PCDH11X: variants seen among roughly 807,000 people sequenced by gnomAD.
PCDH11X encodes protocadherin 11 X-linked, also known as protocadherin-11 X-linked.
A neutral mutation model predicts 53.3 loss-of-function variants in PCDH11X; 18 were observed. That is an observed-to-expected ratio of 0.34 (90% CI 0.23 to 0.50). The LOEUF is 0.50. Ranked by LOEUF, PCDH11X falls within the 20% of genes least tolerant of loss-of-function variation. The pLI is 0.98. For missense variants in PCDH11X, 570 were observed against 1,032.4 expected, an observed-to-expected ratio of 0.55 and a Z score of 6.14; for synonymous variants, 279 against 393.3, an observed-to-expected ratio of 0.71 and a Z score of 3.44.
chrX:92,316,196 G>T (rs2069072686), intron 8 of PCDH11X, among the ~76,000 whole-genome samples: 1 of 106,485 alleles, frequency 9.4e-6, no homozygotes, highest in African/African-American at 3.4e-5. Context: ...TAGTGTAGGA[G>T]AAAGGCAAAT....
chrX:92,545,120 C>T (rs933433917), intron 10 of PCDH11X, among the ~76,000 whole-genome samples: 5 of 111,287 alleles, frequency 4.5e-5, no homozygotes, highest in African/African-American at 1.6e-4. Flanking sequence ...GCCATTATAG[C>T]TTTTGGTACA....
intron 6 of PCDH11X, among the ~76,000 whole-genome samples, chrX:92,147,990 T>C (rs1182163082): frequency 1.2e-4 from 10 of 86,913 alleles, no homozygotes; most frequent in African/African-American, 5.5e-4. Flanking sequence ...CCTTCCTTTC[T>C]TTCTTTCTTT....
At chrX:92,255,382 T>G (rs1331565765) in intron 7 of PCDH11X, among the ~76,000 whole-genome samples, 3 of 100,478 alleles carry the variant, frequency 3.0e-5, no homozygotes, top group African/African-American at 1.1e-4. Flanking sequence ...TGCCTTTGGT[T>G]TGAATGTCCT....
intron 8 of PCDH11X, among the ~76,000 whole-genome samples, chrX:92,377,747 T>C (rs2754857): frequency 0.43 from 42,393 of 98,287 alleles, 7,843 homozygotes; most frequent in Non-Finnish European, 0.49. Flanking sequence ...CTAGATCATA[T>C]GTATCATTTA....
intron 6 of PCDH11X, among the ~76,000 whole-genome samples, chrX:92,087,096 A>G (rs1569347095): frequency 9.2e-6 from 1 of 108,742 alleles, no homozygotes; most frequent in East Asian, 2.9e-4. Flanking sequence ...GCTCTTCTTT[A>G]TTTGTTTATT....
intron 8 of PCDH11X, among the ~76,000 whole-genome samples, chrX:92,278,374 C>T (rs958226208): frequency 8.9e-6 from 1 of 111,750 alleles, no homozygotes; most frequent in Admixed American, 9.5e-5. Flanking sequence ...CATGCGTGTC[C>T]GTGTGAAGAG....
chrX:92,160,780 C>T (rs747291609), intron 6 of PCDH11X, among the ~76,000 whole-genome samples: 34 of 109,926 alleles, frequency 3.1e-4, no homozygotes, highest in African/African-American at 1.1e-3. Context: ...TACTAGTTTA[C>T]ATTTCCACCA....
intron 8 of PCDH11X, among the ~76,000 whole-genome samples, chrX:92,277,218 G>A (rs2068117890): frequency 9.1e-6 from 1 of 110,361 alleles, no homozygotes; most frequent in Admixed American, 9.7e-5. Flanking sequence ...GTTGCACTGG[G>A]CACAGAGACT....
At chrX:91,956,570 GAATATTAGCCCCC>G (rs2061713656) in intron 6 of PCDH11X, among the ~76,000 whole-genome samples, 1 of 107,327 alleles carries the variant, frequency 9.3e-6, no homozygotes, top group Admixed American at 1.0e-4. Context: ...CAAGAATGTT[GAATATTAGCCCCC>G]AATCTCTTCT....
chrX:92,259,622 C>A (rs1434794091), intron 7 of PCDH11X, among the ~76,000 whole-genome samples: 1 of 111,709 alleles, frequency 9.0e-6, no homozygotes. Context: ...ATGGGGATTA[C>A]AATTCATCAT....
chrX:91,889,815 A>G (rs1285606143), intron 6 of PCDH11X, among the ~76,000 whole-genome samples: 1 of 109,980 alleles, frequency 9.1e-6, no homozygotes, highest in Non-Finnish European at 1.9e-5. Context: ...ACAGAATGAT[A>G]TTGTAAATAG....
chrX:92,536,180 T>C (rs1375193153), intron 10 of PCDH11X, among the ~76,000 whole-genome samples: 1 of 111,523 alleles, frequency 9.0e-6, no homozygotes, highest in Non-Finnish European at 1.9e-5. Flanking sequence ...CAGTTTGGTC[T>C]GTTCTTCTGT....
chrX:91,878,534 T>C lies in PCDH11X; in HGVS notation c.2294T>C (p.Val765Ala). 2 of 1,211,304 alleles carry C rather than the reference T, an allele frequency of 1.7e-6. No individual in the cohort carries two copies. The highest frequency in any genetic ancestry group is 2.2e-6 in the Non-Finnish European group (2 of 895,381). ...GGACAGCCTGATTCTCTCTTCAGTG[T>C]TGTAATTGTCAATCTGTTCGTGAAT... Reference protein sequence around the residue: ...DLGQPDSLFSVVIVNLFVNES... With the variant: ...DLGQPDSLFSAVIVNLFVNES... The change falls in exon 6 of 11, where the codon GTT becomes GCT. Residue 765 changes from valine (V) to alanine (A), a missense_variant. Coordinates refer to ENST00000682573, the MANE Select transcript of PCDH11X (RefSeq NM_032968.5).
At chrX:92,208,536 T>TATATATAC (rs1408059749) in intron 7 of PCDH11X, among the ~76,000 whole-genome samples, 5 of 80,096 alleles carry the variant, frequency 6.2e-5, no homozygotes, top group African/African-American at 2.5e-4. Flanking sequence ...TATATATATA[T>TATATATAC]ACAATTTTTT....
intron 6 of PCDH11X, among the ~76,000 whole-genome samples, chrX:92,025,203 G>A (rs1166189844): frequency 9.1e-6 from 1 of 109,315 alleles, no homozygotes; most frequent in Admixed American, 9.8e-5. Context: ...CATTGAATGG[G>A]AGAAAATTTC....
intron 6 of PCDH11X, among the ~76,000 whole-genome samples, chrX:91,908,260 G>GCAAAAC (rs773799509): frequency 3.5e-4 from 39 of 111,494 alleles, no homozygotes; most frequent in South Asian, 2.6e-3. Flanking sequence ...TGCAAACCAT[G>GCAAAAC]CATCCAATAA....
At chrX:92,189,234 AG>A (rs1347209875) in intron 6 of PCDH11X, among the ~76,000 whole-genome samples, 1 of 110,491 alleles carries the variant, frequency 9.1e-6, no homozygotes, top group Non-Finnish European at 1.9e-5. Context: ...GACAGGCCCC[AG>A]TGTGTGTTGT....
chrX:92,390,506 G>C (rs987891056), intron 9 of PCDH11X, among the ~76,000 whole-genome samples: 1 of 109,402 alleles, frequency 9.1e-6, no homozygotes, highest in African/African-American at 3.3e-5. Flanking sequence ...TCTTCAAAAA[G>C]CAAAGCTATA....
chrX:91,858,134 G>A (rs1034089912), intron 5 of PCDH11X, among the ~76,000 whole-genome samples: 2 of 109,359 alleles, frequency 1.8e-5, no homozygotes, highest in East Asian at 2.9e-4. Flanking sequence ...CCAACACCAC[G>A]TATAAGCCAC....
Sources: allele counts gnomAD v4.1 joint callset (sites outside exome capture counted in the v4.1 genomes callset), GRCh38; gene constraint gnomAD v4.1.1; transcripts MANE v1.5; gene names NCBI Gene and HGNC (gene_info 2026-07-23, HGNC 2026-07-21).